The following LTF variants were observed in gnomAD, a reference collection of about 807,000 sequenced individuals.
The protein encoded by LTF is lactotransferrin, also known as epididymis luminal protein 110.
A neutral mutation model predicts 87.2 loss-of-function variants in LTF; 91 were observed. That is an observed-to-expected ratio of 1.04 (90% CI 0.88 to 1.24). LTF has a LOEUF of 1.24. LTF is among the 50% of genes most tolerant of loss of function. The probability of loss-of-function intolerance (pLI) is 0.00; values close to 1 mark genes in which losing one functional copy is unlikely to be tolerated. For missense variants in LTF, 901 were observed against 904.3 expected, an observed-to-expected ratio of 1.00 and a Z score of 0.05; for synonymous variants, 378 against 356.1, an observed-to-expected ratio of 1.06 and a Z score of -0.69.
chr3:46,482,609 G>GAAGAAAGAAAGAAAGAAAGAAAGAAAGA (rs1179613670), intron 1 of LTF, among the ~76,000 whole-genome samples: 1 of 56,988 alleles, frequency 1.8e-5, no homozygotes, highest in Non-Finnish European at 3.3e-5. Context: ...AAGAAAGAAA[G>GAAGAAAGAAAGAAAGAAAGAAAGAAAGA]AAGAAAGAAA....
At chr3:46,480,660 G>T (rs906036584) in intron 1 of LTF, among the ~76,000 whole-genome samples, 7 of 152,164 alleles carry the variant, frequency 4.6e-5, no homozygotes, top group Admixed American at 3.9e-4. Flanking sequence ...CTACAAAGAG[G>T]ACAATGGCAC....
At chr3:46,464,577 G>A (rs1316588060) in intron 1 of LTF, among the ~76,000 whole-genome samples, 2 of 152,198 alleles carry the variant, frequency 1.3e-5, no homozygotes, top group South Asian at 2.1e-4. Flanking sequence ...GGCCTGGGAG[G>A]CCTTTTGAGA....
Position 46,447,308 on chromosome 3 carries a change from T to C in LTF, c.1303A>G (p.Lys435Glu), listed in dbSNP as rs752743478. The C allele has an allele frequency of 5.0e-6, 8 of 1,613,432 alleles. No homozygotes were observed. Among genetic ancestry groups the C allele is most frequent in the Non-Finnish European group, 6.8e-6 (8 of 1,179,306 alleles). Residue 435 changes from lysine (K) to glutamate (E), a missense_variant and splice_region_variant, in exon 10 of 17, where the codon AAA becomes GAA. By Grantham distance (56) the Lys-to-Glu change is moderately conservative. Transcript: ENST00000231751. ...GLVPVLAENY[K>E]SQQSSDPDPN... ...ACCAGAGGATGCTAACTCCACTTAC[T>C]GTAGTTCTCTGCCAGGACAGGCACC...
rs754654875 is a variant in LTF at position 46,459,680 on chromosome 3, G to C, written c.183C>G (p.Pro61=). 1.9e-6 allele frequency: 3 copies of C among 1,552,332 alleles called. No homozygotes were observed. The highest frequency in any genetic ancestry group is 2.5e-5 in the South Asian group (2 of 81,192). ...CCGCAATGGCCTGGATACACTGGATGGGGGAGTCTCTCTTTATGCAGCTGA... is the reference window on the plus strand; with the variant it reads ...CCGCAATGGCCTGGATACACTGGATCGGGGAGTCTCTCTTTATGCAGCTGA... ...PPVSCIKRDS[P]IQCIQAIAEN... is the part of the protein sequence containing the mutation. Residue 61 remains proline, a synonymous_variant, in exon 2 of 17, where the codon CCC becomes CCG. Transcript: ENST00000231751.
intron 8 of LTF, 136 bp downstream of exon 8, chr3:46,449,718 A>C: frequency 1.1e-6 from 1 of 877,668 alleles, no homozygotes; most frequent in Non-Finnish European, 1.8e-6. Context: ...CACAGAAGAC[A>C]CTCACACCTG....
chr3:46,474,912 A>G (rs1307581680), intron 1 of LTF, among the ~76,000 whole-genome samples: 4 of 152,216 alleles, frequency 2.6e-5, no homozygotes, highest in African/African-American at 9.6e-5. Context: ...CTTAATGAGA[A>G]TGAAAATACA....
intron 1 of LTF, chr3:46,463,483 AG>A: frequency 1.0e-6 from 1 of 985,724 alleles, no homozygotes. Flanking sequence ...GGAGCAGGGC[AG>A]GAATTCCACA....
At chr3:46,445,989 T>A (rs914709978) in intron 11 of LTF, among the ~76,000 whole-genome samples, 2 of 152,200 alleles carry the variant, frequency 1.3e-5, no homozygotes, top group Admixed American at 6.5e-5. Flanking sequence ...AGGGCAAGTC[T>A]TTTCTGAAAC....
rs1703452483 is a variant in LTF, at chr3:46,482,598, A to AAAG, written c.-320+2385_-320+2387dup. 7.3e-5 allele frequency among the ~76,000 whole-genome samples: 10 copies of AAAG among 137,330 alleles called. 2 individuals carry two copies. Among genetic ancestry groups the AAAG allele is most frequent in the East Asian group, 6.7e-4 (3 of 4,504 alleles). The allele number at this position is 137,330 out of a possible 152,430, so 90.1% of individuals were successfully genotyped here. On this transcript the variant is annotated intron_variant, in intron 1 of 19. Transcript: ENST00000443496. The stretch of plus-strand genomic sequence containing the variant: ...AGGAAAGGAAGGGAGAAAGAGAGAG[A>AAAG]AAGAAAGAAAGAAGAAAGAAAGAAA...
rs1227006396 is a variant in LTF at position 46,443,424 on chromosome 3, C to T, written c.1655+17G>A. On this transcript the variant is annotated intron_variant, in intron 13 of 16. Transcript: ENST00000231751. ...GAGGTAAGTCCCCATCCTGATGGAG[C>T]TCAGTCACAGACTCACCGGAAAGCC... 2.5e-6 allele frequency: 4 copies of T among 1,613,860 alleles called. No individual in the cohort carries two copies. The highest frequency in any genetic ancestry group is 3.4e-6 in the Non-Finnish European group (4 of 1,179,930).
At position 46,436,067 on chromosome 3, in the gene LTF, G is replaced by T; in HGVS notation, c.*128C>A. The T allele has an allele frequency of 1.2e-6, 1 of 836,926 alleles. No homozygotes were observed. The highest frequency in any genetic ancestry group is 2.0e-6 in the Non-Finnish European group (1 of 496,334). The allele number at this position is 836,926 out of a possible 1,614,324, so 51.8% of individuals were successfully genotyped here. ...CTTGCTAAGACGACAGCAGGGAATT[G>T]TAAGCAGATGGATGGGCAATCCCCA... On this transcript the variant is annotated 3_prime_UTR_variant, in exon 17 of 17. Coordinates refer to ENST00000231751, the MANE Select transcript of LTF (RefSeq NM_002343.6).
chr3:46,449,044 T>C, intron 8 of LTF, 27 bp from the exon 9 acceptor site: 1 of 1,586,632 alleles, frequency 6.3e-7, no homozygotes, highest in Non-Finnish European at 8.6e-7. Flanking sequence ...CGCAGGTGGC[T>C]GGGCAACCTG....
chr3:46,440,627 A>T (rs1056068698), intron 14 of LTF, among the ~76,000 whole-genome samples: 4 of 152,174 alleles, frequency 2.6e-5, no homozygotes, highest in African/African-American at 4.8e-5. Flanking sequence ...AATAATTTCA[A>T]ATTTACATGT....
Position 46,445,393 on chromosome 3 carries a change from A to G in LTF, c.1401T>C (p.Leu467=). 6.2e-7 allele frequency: 1 copy of G among 1,613,968 alleles called. No individual in the cohort carries two copies. The highest frequency in any genetic ancestry group is 1.1e-5 in the South Asian group (1 of 91,056). ...VAVVRRSDTS[L]TWNSVKGKKS... Reference sequence around the variant, plus strand: ...TCTTGCCTTTCACAGAGTTCCAGGTAAGGCTAGTGTCTGATCTCCTAACCA... The same window carrying G: ...TCTTGCCTTTCACAGAGTTCCAGGTGAGGCTAGTGTCTGATCTCCTAACCA... Residue 467 remains leucine, a synonymous_variant, in exon 12 of 17, where the codon CTT becomes CTC. Transcript: ENST00000231751.
intron 1 of LTF, among the ~76,000 whole-genome samples, chr3:46,483,772 G>A (rs891234752): frequency 6.6e-6 from 1 of 152,124 alleles, no homozygotes; most frequent in African/African-American, 2.4e-5. Context: ...TCTATATGTA[G>A]GTTAGGTGTC....
intron 14 of LTF, among the ~76,000 whole-genome samples, chr3:46,440,490 G>A (rs1385984494): frequency 1.3e-5 from 2 of 152,212 alleles, no homozygotes; most frequent in Non-Finnish European, 1.5e-5. Flanking sequence ...AATTCTAAAT[G>A]TAATTGTATG....
chr3:46,464,928 C>G, upstream of LTF: 3 of 1,555,770 alleles, frequency 1.9e-6, no homozygotes, highest in Non-Finnish European at 2.7e-6. Context: ...TGCCCTGCGC[C>G]CCTTTATTCA....
At chr3:46,460,665 G>C in intron 1 of LTF, 2 of 447,684 alleles carry the variant, frequency 4.5e-6, no homozygotes, top group South Asian at 3.2e-5. Flanking sequence ...GGAATGATGA[G>C]AGAGTGTCCA....
At chr3:46,457,288 CATA>C (rs968550422) in intron 2 of LTF, among the ~76,000 whole-genome samples, 3 of 152,230 alleles carry the variant, frequency 2.0e-5, no homozygotes, top group African/African-American at 7.2e-5. Flanking sequence ...TTGTAGACAG[CATA>C]ATGTTTTCTC....
Sources: gnomAD v4.1 joint callset for allele counts (sites outside exome capture counted in the v4.1 genomes callset) on GRCh38, gnomAD v4.1.1 for gene constraint, MANE v1.5 for transcripts, NCBI Gene and HGNC (gene_info 2026-07-23, HGNC 2026-07-21) for gene names.